Variants in CD38 observed in about 807,000 individuals in gnomAD.
The protein encoded by CD38 is CD38 molecule.
CD38 carries 31 observed loss-of-function variants against 36.3 expected under a neutral mutation model. That is an observed-to-expected ratio of 0.85 (90% CI 0.64 to 1.15). The LOEUF (loss-of-function observed/expected upper bound fraction) is 1.15, where lower values mean the gene tolerates loss of function less well. Among genes scored for constraint, CD38 ranks in the 50% most tolerant of loss-of-function variants. The pLI, the probability that CD38 is intolerant of heterozygous loss-of-function variation, is 0.00. For synonymous variants in CD38, 131 were observed against 135.2 expected, an observed-to-expected ratio of 0.97 and a Z score of 0.22; for missense variants, 380 against 371.9, an observed-to-expected ratio of 1.02 and a Z score of -0.18.
intron 2 of CD38, among the ~76,000 whole-genome samples, chr4:15,824,030 C>G (rs1336783684): frequency 1.3e-5 from 2 of 152,142 alleles, no homozygotes; most frequent in Admixed American, 1.3e-4. Context: ...GAAGCCACAT[C>G]TTCAGCAAAC....
At chr4:15,806,454 T>C (rs1261590617) in intron 1 of CD38, among the ~76,000 whole-genome samples, 1 of 152,250 alleles carries the variant, frequency 6.6e-6, no homozygotes, top group Non-Finnish European at 1.5e-5. Flanking sequence ...CTTTAGTCTC[T>C]TTATTTCTAA....
chr4:15,842,279 G>T (rs973522487), intron 7 of CD38, among the ~76,000 whole-genome samples: 6 of 136,142 alleles, frequency 4.4e-5, no homozygotes, highest in Non-Finnish European at 7.7e-5. Context: ...CTAACTGGGA[G>T]GCACCCCCCA....
In CD38 at chr4:15,852,445, G is replaced by A. The variant is rs1169615173; in HGVS notation, c.*3843G>A. 4 of 152,178 alleles carry A rather than the reference G, an allele frequency of 2.6e-5. No homozygotes were observed. The highest frequency in any genetic ancestry group is 9.7e-5 in the African/African-American group (4 of 41,446). 9.4% of individuals were successfully genotyped at this position (152,178 alleles called of 1,614,324 possible). A position where few individuals can be genotyped will look rare whatever the true frequency, so the allele number is the denominator to read the frequency against. ...TCTCAGGAAGATTCCATACTGCACA[G>A]AAAACTGCTTTTGTGGGTTTTTAAA... On this transcript the variant is annotated 3_prime_UTR_variant, in exon 8 of 8. Coordinates refer to ENST00000226279, the MANE Select transcript of CD38 (RefSeq NM_001775.4).
intron 1 of CD38, among the ~76,000 whole-genome samples, chr4:15,779,992 A>G (rs551220973): frequency 6.6e-6 from 1 of 152,310 alleles, no homozygotes; most frequent in African/African-American, 2.4e-5. Context: ...AGCACCCACT[A>G]TGTTCCAGAC....
At chr4:15,817,473 T>C (rs928916916) in intron 2 of CD38, among the ~76,000 whole-genome samples, 3 of 152,246 alleles carry the variant, frequency 2.0e-5, no homozygotes, top group African/African-American at 7.2e-5. Flanking sequence ...GAGAAGGTGT[T>C]TGGCAAATAA....
chr4:15,810,223 C>T (rs1195100887), intron 1 of CD38, among the ~76,000 whole-genome samples: 1 of 152,032 alleles, frequency 6.6e-6, no homozygotes, highest in African/African-American at 2.4e-5. Context: ...GATATATATA[C>T]CCAAGAAGAA....
chr4:15,786,944 G>A (rs919991326), intron 1 of CD38, among the ~76,000 whole-genome samples: 1 of 152,226 alleles, frequency 6.6e-6, no homozygotes, highest in Non-Finnish European at 1.5e-5. Flanking sequence ...CACTGCTGGG[G>A]GACTTGGCAC....
At chr4:15,789,731 G>A (rs549526858) in intron 1 of CD38, among the ~76,000 whole-genome samples, 30 of 151,986 alleles carry the variant, frequency 2.0e-4, no homozygotes, top group Non-Finnish European at 4.0e-4. Context: ...GGAATGAAAT[G>A]GCAGGCTTTA....
At position 15,789,279 on chromosome 4, in the gene CD38, T is replaced by C. The variant is rs188884377; in HGVS notation, c.233+10632T>C. 3.0e-3 allele frequency among the ~76,000 whole-genome samples: 460 copies of C among 152,334 alleles called. 4 individuals carry two copies. Among genetic ancestry groups the C allele is most frequent in the African/African-American group, 0.011 (441 of 41,566 alleles). ...GAAATTCTTGCTCACATGGAACTTA[T>C]ATTCTAGTAGGGGAGACAGACATTG... On this transcript the variant is annotated intron_variant, in intron 1 of 7. Coordinates refer to ENST00000226279, the MANE Select transcript of CD38 (RefSeq NM_001775.4).
intron 1 of CD38, among the ~76,000 whole-genome samples, chr4:15,785,408 G>A (rs1560305314): frequency 6.6e-6 from 1 of 152,132 alleles, no homozygotes; most frequent in African/African-American, 2.4e-5. Flanking sequence ...TTGGCCTTGT[G>A]TTTTGCTTCA....
At chr4:15,822,022 G>A (rs185992332) in intron 2 of CD38, among the ~76,000 whole-genome samples, 1 of 152,298 alleles carries the variant, frequency 6.6e-6, no homozygotes, top group East Asian at 1.9e-4. Context: ...TCCTCAGGAT[G>A]CAAGGCAGGT....
intron 1 of CD38, among the ~76,000 whole-genome samples, chr4:15,813,798 A>G (rs1276791637): frequency 6.6e-6 from 1 of 152,162 alleles, no homozygotes; most frequent in Non-Finnish European, 1.5e-5. Context: ...TTATGACTGC[A>G]TAGTATTCCA....
At chr4:15,796,385 C>T (rs1357449192) in intron 1 of CD38, among the ~76,000 whole-genome samples, 3 of 152,024 alleles carry the variant, frequency 2.0e-5, no homozygotes, top group Non-Finnish European at 4.4e-5. Flanking sequence ...TCCTTTTCTT[C>T]CTTCAATATC....
chr4:15,785,193 G>C (rs1455558561), intron 1 of CD38, among the ~76,000 whole-genome samples: 1 of 152,146 alleles, frequency 6.6e-6, no homozygotes, highest in Non-Finnish European at 1.5e-5. Flanking sequence ...GTTACCTGTG[G>C]AAGGAAGGGT....
In CD38 at chr4:15,850,144, A is replaced by C. The variant is rs1199295684; in HGVS notation, c.*1542A>C. The C allele has an allele frequency of 6.6e-6, 1 of 152,054 alleles. No homozygotes were observed. The highest frequency in any genetic ancestry group is 1.5e-5 in the Non-Finnish European group (1 of 68,000). The allele number at this position is 152,054 out of a possible 1,614,324, so 9.4% of individuals were successfully genotyped here. On this transcript the variant is annotated 3_prime_UTR_variant, in exon 8 of 8. Transcript: ENST00000226279. ...GAATAACAGTGAGACATTATCTCCA[A>C]AAAAATTACCTGGGTATGGTGTTGT...
chr4:15,829,566 A>G (rs1412892486), intron 3 of CD38, among the ~76,000 whole-genome samples: 2 of 152,228 alleles, frequency 1.3e-5, no homozygotes, highest in Non-Finnish European at 2.9e-5. Flanking sequence ...GTTGGGCTGC[A>G]TTCAAAGCTG....
chr4:15,814,883 T>A (rs574123451), intron 1 of CD38, among the ~76,000 whole-genome samples: 27 of 151,936 alleles, frequency 1.8e-4, no homozygotes, highest in Middle Eastern at 3.4e-3. Flanking sequence ...CTCGGCTCAC[T>A]GCAACCTCCG....
rs1724323639 is a variant in CD38, at chr4:15,848,821, A to G, written c.*219A>G. The stretch of plus-strand genomic sequence containing the variant: ...ATCAATAGTCAAGAAAAATTATTGT[A>G]TAAGATTAGAATGAAAATTGTATGT... On this transcript the variant is annotated 3_prime_UTR_variant, in exon 8 of 8. Coordinates refer to ENST00000226279, the MANE Select transcript of CD38 (RefSeq NM_001775.4). 7.5e-6 allele frequency: 3 copies of G among 397,938 alleles called. No individual in the cohort carries two copies. The highest frequency in any genetic ancestry group is 7.1e-4 in the Middle Eastern group (1 of 1,418). The allele number at this position is 397,938 out of a possible 1,614,324, so 24.7% of individuals were successfully genotyped here. A position where few individuals can be genotyped will look rare whatever the true frequency, so the allele number is the denominator to read the frequency against.
In CD38 at chr4:15,802,491, G is replaced by GTTTTATTTTATTTTATTTTATTTTA. The variant is rs56373639; in HGVS notation, c.234-13981_234-13957dup. On this transcript the variant is annotated intron_variant, in intron 1 of 7. Coordinates refer to ENST00000226279, the MANE Select transcript of CD38 (RefSeq NM_001775.4). ...CCCCAAATAGCCAAAGCAATTGTTT[G>GTTTTATTTTATTTTATTTTATTTTA]TTTTATTTTATTTTATTTTATTTTA... 5.4e-4 allele frequency among the ~76,000 whole-genome samples: 72 copies of GTTTTATTTTATTTTATTTTATTTTA among 134,178 alleles called. 1 individual carries two copies. The highest frequency in any genetic ancestry group is 7.4e-3 in the Middle Eastern group (2 of 272). The allele number at this position is 134,178 out of a possible 152,430, so 88.0% of individuals were successfully genotyped here.
Sources: gnomAD v4.1 joint callset for allele counts (sites outside exome capture counted in the v4.1 genomes callset) on GRCh38, gnomAD v4.1.1 for gene constraint, MANE v1.5 for transcripts, NCBI Gene and HGNC (gene_info 2026-07-23, HGNC 2026-07-21) for gene names.